CLSTN2: variants seen among roughly 807,000 people sequenced by gnomAD.
CLSTN2 encodes the protein calsyntenin 2.
A neutral mutation model predicts 101.2 loss-of-function variants in CLSTN2; 48 were observed. The ratio of observed to expected loss-of-function variants is 0.47; its 90% confidence interval spans 0.38 to 0.60. CLSTN2 has a LOEUF of 0.60. Ranked by LOEUF, CLSTN2 falls within the 20% of genes least tolerant of loss-of-function variation. The pLI is 0.00. For synonymous variants in CLSTN2, 481 were observed against 463.6 expected (o/e 1.04, Z -0.48); for missense variants, 1,160 against 1,238.2 (o/e 0.94, Z 0.95).
intron 2 of CLSTN2, among the ~76,000 whole-genome samples, chr3:140,234,402 G>A (rs2086397933): frequency 6.6e-6 from 1 of 152,002 alleles, no homozygotes; most frequent in Admixed American, 6.6e-5. Flanking sequence ...CTTACCAATG[G>A]TGTGAACTGG....
chr3:140,276,558 C>T (rs2086797115), intron 2 of CLSTN2, among the ~76,000 whole-genome samples: 2 of 152,056 alleles, frequency 1.3e-5, no homozygotes, highest in East Asian at 1.9e-4. Flanking sequence ...CACAGGAGAA[C>T]ACAAAATAGG....
chr3:140,241,345 G>C (rs912093984), intron 2 of CLSTN2, among the ~76,000 whole-genome samples: 1 of 152,158 alleles, frequency 6.6e-6, no homozygotes, highest in Non-Finnish European at 1.5e-5. Context: ...AGTGTTGTGT[G>C]AGGGCTTAAA....
intron 2 of CLSTN2, among the ~76,000 whole-genome samples, chr3:140,400,404 TA>T (rs1485506147): frequency 2.6e-5 from 4 of 152,114 alleles, no homozygotes; most frequent in Non-Finnish European, 5.9e-5. Flanking sequence ...AAGATAAAAT[TA>T]TTAAGAACTT....
chr3:140,288,024 T>C (rs1224580692), intron 2 of CLSTN2, among the ~76,000 whole-genome samples: 1 of 151,992 alleles, frequency 6.6e-6, no homozygotes, highest in Non-Finnish European at 1.5e-5. Context: ...AGGATAACTT[T>C]AGCTCAACAT....
At chr3:140,005,361 A>C (rs2006933762) in intron 1 of CLSTN2, among the ~76,000 whole-genome samples, 1 of 151,872 alleles carries the variant, frequency 6.6e-6, no homozygotes, top group Non-Finnish European at 1.5e-5. Context: ...CTCCATTTGT[A>C]CTTGTTTGTT....
intron 2 of CLSTN2, among the ~76,000 whole-genome samples, chr3:140,339,374 G>C (rs1024313578): frequency 2.0e-5 from 3 of 152,112 alleles, no homozygotes; most frequent in Admixed American, 1.3e-4. Flanking sequence ...ACCAGAAGAG[G>C]CCCTTTGGAA....
intron 2 of CLSTN2, among the ~76,000 whole-genome samples, chr3:140,399,219 C>T (rs2088215739): frequency 6.6e-6 from 1 of 152,204 alleles, no homozygotes; most frequent in South Asian, 2.1e-4. Context: ...ATATGAAAAC[C>T]ATTAGGTCTG....
At chr3:140,209,626 A>G (rs975518808) in intron 2 of CLSTN2, among the ~76,000 whole-genome samples, 2 of 152,018 alleles carry the variant, frequency 1.3e-5, no homozygotes, top group African/African-American at 2.4e-5. Context: ...GTTGAAGCCC[A>G]GCACTGTCCG....
intron 1 of CLSTN2, among the ~76,000 whole-genome samples, chr3:140,039,699 C>G (rs1307255995): frequency 6.6e-6 from 1 of 152,154 alleles, no homozygotes; most frequent in Non-Finnish European, 1.5e-5. Flanking sequence ...GAAAACAACT[C>G]GAAGGCTAGG....
At chr3:140,394,413 C>T (rs1015795608) in intron 2 of CLSTN2, among the ~76,000 whole-genome samples, 1 of 152,188 alleles carries the variant, frequency 6.6e-6, no homozygotes, top group Non-Finnish European at 1.5e-5. Flanking sequence ...AGGGACATGA[C>T]AGTGTCCAGA....
chr3:140,495,984 C>G (rs1934457712), intron 8 of CLSTN2, among the ~76,000 whole-genome samples: 1 of 152,070 alleles, frequency 6.6e-6, no homozygotes. Flanking sequence ...AAAATACTTT[C>G]TTCAAATTCC....
chr3:140,078,272 T>A (rs1258924320), intron 1 of CLSTN2, among the ~76,000 whole-genome samples: 1 of 152,234 alleles, frequency 6.6e-6, no homozygotes, highest in Non-Finnish European at 1.5e-5. Flanking sequence ...ATTGAAGTAC[T>A]GAACTAGCTC....
At chr3:140,090,637 AAC>A (rs1560091593) in intron 1 of CLSTN2, among the ~76,000 whole-genome samples, 2 of 152,158 alleles carry the variant, frequency 1.3e-5, no homozygotes, top group Non-Finnish European at 2.9e-5. Flanking sequence ...GCACAACACT[AAC>A]ACAGAAAATA....
intron 2 of CLSTN2, among the ~76,000 whole-genome samples, chr3:140,224,913 A>G (rs60458635): frequency 0.032 from 4,879 of 152,270 alleles, 242 homozygotes; most frequent in African/African-American, 0.11. Context: ...ACAATATAAG[A>G]AGAAATACCA....
At chr3:140,334,321 A>T (rs2087420101) in intron 2 of CLSTN2, among the ~76,000 whole-genome samples, 1 of 152,254 alleles carries the variant, frequency 6.6e-6, no homozygotes, top group Non-Finnish European at 1.5e-5. Context: ...GAGAAATGAC[A>T]CATTCCCATG....
At chr3:139,995,318 C>T (rs1021789762) in intron 1 of CLSTN2, among the ~76,000 whole-genome samples, 2 of 152,290 alleles carry the variant, frequency 1.3e-5, no homozygotes, top group African/African-American at 4.8e-5. Context: ...CACCTCACAG[C>T]ATAGCATATT....
intron 2 of CLSTN2, among the ~76,000 whole-genome samples, chr3:140,277,696 C>T (rs1392428656): frequency 6.6e-6 from 1 of 151,986 alleles, no homozygotes; most frequent in Non-Finnish European, 1.5e-5. Flanking sequence ...TATACTTTGC[C>T]ACTTAATAAA....
chr3:140,280,466 G>A (rs147125702), intron 2 of CLSTN2, among the ~76,000 whole-genome samples: 2 of 152,288 alleles, frequency 1.3e-5, no homozygotes, highest in Admixed American at 6.5e-5. Flanking sequence ...GGCAGCAAGA[G>A]GCAGCTAGGA....
At chr3:140,323,666 A>G (rs2087305282) in intron 2 of CLSTN2, among the ~76,000 whole-genome samples, 1 of 152,206 alleles carries the variant, frequency 6.6e-6, no homozygotes, top group African/African-American at 2.4e-5. Flanking sequence ...TATGTAATAT[A>G]TTTTATAAAT....
Sources: allele counts gnomAD v4.1 joint callset (sites outside exome capture counted in the v4.1 genomes callset), GRCh38; gene constraint gnomAD v4.1.1; transcripts MANE v1.5; gene names NCBI Gene and HGNC (gene_info 2026-07-23, HGNC 2026-07-21).